ROBO2: variants seen among roughly 807,000 people sequenced by gnomAD.
ROBO2 encodes the protein roundabout homolog 2.
A neutral mutation model predicts 160.8 loss-of-function variants in ROBO2; 53 were observed. The observed-to-expected ratio is 0.33, with a 90% CI of 0.26 to 0.41. The LOEUF (loss-of-function observed/expected upper bound fraction) is 0.41. Ranked by LOEUF, ROBO2 falls within the 10% of genes least tolerant of loss-of-function variation. The pLI is 1.00. For synonymous variants in ROBO2, 664 were observed against 611.7 expected (o/e 1.09, Z -1.26); for missense variants, 1,577 against 1,722.4 (o/e 0.92, Z 1.49).
At chr3:77,559,722 A>T (rs1582943175) in intron 9 of ROBO2, among the ~76,000 whole-genome samples, 1 of 152,252 alleles carries the variant, frequency 6.6e-6, no homozygotes, top group East Asian at 1.9e-4. Flanking sequence ...TCGCTATATC[A>T]TACAGACGTA....
At chr3:76,712,744 A>G (rs2093319825) in intron 2 of ROBO2, among the ~76,000 whole-genome samples, 1 of 152,010 alleles carries the variant, frequency 6.6e-6, no homozygotes, top group Non-Finnish European at 1.5e-5. Flanking sequence ...ATGAGGATAC[A>G]TTATAGGAGC....
intron 2 of ROBO2, among the ~76,000 whole-genome samples, chr3:76,148,687 A>G (rs1222224915): frequency 1.3e-5 from 2 of 152,162 alleles, no homozygotes; most frequent in East Asian, 3.9e-4. Context: ...TTGTAATAAG[A>G]AAATTAGGAA....
intron 2 of ROBO2, among the ~76,000 whole-genome samples, chr3:76,622,307 AAAG>A (rs1364247831): frequency 3.8e-4 from 41 of 108,978 alleles, no homozygotes; most frequent in African/African-American, 1.4e-3. Flanking sequence ...AGAAAGAAAG[AAAG>A]AAAACATAGC....
At chr3:76,866,141 C>T (rs1416255493) in intron 2 of ROBO2, among the ~76,000 whole-genome samples, 2 of 152,022 alleles carry the variant, frequency 1.3e-5, no homozygotes, top group Non-Finnish European at 2.9e-5. Flanking sequence ...TTTCAAAGGA[C>T]TTCCAGATTC....
intron 2 of ROBO2, among the ~76,000 whole-genome samples, chr3:77,333,518 C>T (rs1347550737): frequency 2.6e-5 from 4 of 152,168 alleles, no homozygotes; most frequent in Non-Finnish European, 5.9e-5. Flanking sequence ...AATTTTAATG[C>T]ATATGTTTAT....
intron 2 of ROBO2, among the ~76,000 whole-genome samples, chr3:76,673,157 T>C (rs564302478): frequency 2.6e-5 from 4 of 152,178 alleles, no homozygotes; most frequent in Non-Finnish European, 5.9e-5. Context: ...TTAGTAACAC[T>C]AAAACAGTAA....
exon 5 of ROBO2, chr3:77,493,247 G>A (rs868459806): frequency 5.6e-6 from 9 of 1,611,854 alleles, no homozygotes; most frequent in South Asian, 3.3e-5. Flanking sequence ...TTTCAAGAAC[G>A]ACCCACATTT....
chr3:75,911,380 A>G (rs1946573458), intron 1 of ROBO2, among the ~76,000 whole-genome samples: 1 of 152,122 alleles, frequency 6.6e-6, no homozygotes, highest in South Asian at 2.1e-4. Flanking sequence ...CTTGTGTAAA[A>G]TGGGGAGACT....
chr3:77,226,596 G>A (rs1008037581), intron 2 of ROBO2, among the ~76,000 whole-genome samples: 5 of 152,042 alleles, frequency 3.3e-5, no homozygotes, highest in African/African-American at 1.2e-4. Flanking sequence ...CAAGATTGCA[G>A]ACTGCCTTGA....
At chr3:77,498,812 T>C (rs2087148057) in intron 5 of ROBO2, among the ~76,000 whole-genome samples, 1 of 152,120 alleles carries the variant, frequency 6.6e-6, no homozygotes, top group Non-Finnish European at 1.5e-5. Flanking sequence ...GGACATGGGA[T>C]AATTTGAGCT....
At chr3:77,624,886 T>A (rs2153708070) in intron 23 of ROBO2, among the ~76,000 whole-genome samples, 1 of 152,234 alleles carries the variant, frequency 6.6e-6, no homozygotes, top group Middle Eastern at 3.4e-3. Context: ...TGGGTTCCAG[T>A]CCCTGCAACT....
intron 2 of ROBO2, among the ~76,000 whole-genome samples, chr3:76,581,366 G>A (rs979031744): frequency 1.3e-5 from 2 of 152,044 alleles, no homozygotes; most frequent in Admixed American, 6.6e-5. Context: ...GTGCAAAATG[G>A]AGATCCAGAG....
chr3:77,206,831 G>C (rs2083505429), intron 2 of ROBO2, among the ~76,000 whole-genome samples: 1 of 152,058 alleles, frequency 6.6e-6, no homozygotes, highest in South Asian at 2.1e-4. Context: ...GAGAATTCAA[G>C]AATTCTGTAA....
At chr3:75,956,083 T>G (rs1948715942) in intron 2 of ROBO2, among the ~76,000 whole-genome samples, 1 of 151,798 alleles carries the variant, frequency 6.6e-6, no homozygotes, top group Non-Finnish European at 1.5e-5. Context: ...CATGATATGT[T>G]TAGACTGCAC....
intron 2 of ROBO2, among the ~76,000 whole-genome samples, chr3:76,394,097 CT>C (rs769204198): frequency 1.4e-4 from 22 of 152,102 alleles, no homozygotes; most frequent in Non-Finnish European, 2.6e-4. Context: ...CAGTCTGTGT[CT>C]TTTAATTGTA....
chr3:77,003,037 C>T (rs994451414), intron 2 of ROBO2, among the ~76,000 whole-genome samples: 2 of 152,010 alleles, frequency 1.3e-5, no homozygotes, highest in Admixed American at 6.5e-5. Context: ...ATCTCTTGAG[C>T]GTTTTGATTA....
intron 1 of ROBO2, among the ~76,000 whole-genome samples, chr3:77,085,813 G>A (rs1423112140): frequency 6.6e-6 from 1 of 152,006 alleles, no homozygotes; most frequent in African/African-American, 2.4e-5. Flanking sequence ...AAATTTCTAG[G>A]AAAAGTTATT....
At chr3:77,527,331 A>T (rs1022635856) in intron 6 of ROBO2, 72 bp from the exon 7 acceptor site, 3 of 1,133,320 alleles carry the variant, frequency 2.6e-6, no homozygotes, top group African/African-American at 3.2e-5. Flanking sequence ...CACATCATGC[A>T]TTCTGATAAT....
At chr3:77,606,684 A>G (rs2094532227) in intron 20 of ROBO2, among the ~76,000 whole-genome samples, 1 of 152,232 alleles carries the variant, frequency 6.6e-6, no homozygotes, top group Non-Finnish European at 1.5e-5. Context: ...AACGTGGCTG[A>G]TGCAGATGAG....
Sources: gnomAD v4.1 joint callset for allele counts (sites outside exome capture counted in the v4.1 genomes callset) on GRCh38, gnomAD v4.1.1 for gene constraint, MANE v1.5 for transcripts, NCBI Gene and HGNC (gene_info 2026-07-23, HGNC 2026-07-21) for gene names.